Variants in MROH7 observed in about 807,000 individuals in gnomAD.
The protein encoded by MROH7 is maestro heat like repeat family member 7, also known as maestro heat-like repeat-containing protein family member 7.
In MROH7, 113 loss-of-function variants were observed where a neutral mutation model predicts 129.2. The ratio of observed to expected loss-of-function variants is 0.87; its 90% CI spans 0.75 to 1.02. The LOEUF (loss-of-function observed/expected upper bound fraction) is 1.02. Among genes scored for constraint, MROH7 ranks in the 50% least tolerant of loss-of-function variants. The pLI is 0.00. For synonymous variants in MROH7, 655 were observed against 667.9 expected (o/e 0.98, Z 0.30); for missense variants, 1,601 against 1,671.3 (o/e 0.96, Z 0.73).
chr1:54,651,868 A>T (rs1406786434), intron 1 of MROH7, 81 bp from the exon 2 acceptor site: 1 of 151,008 alleles, frequency 6.6e-6, no homozygotes, highest in Middle Eastern at 3.4e-3. Flanking sequence ...ACAGACGTGC[A>T]TGCCTGGCCT....
At chr1:54,705,347 G>A (rs1645515614) in intron 21 of MROH7, among the ~76,000 whole-genome samples, 1 of 152,216 alleles carries the variant, frequency 6.6e-6, no homozygotes, top group Non-Finnish European at 1.5e-5. Context: ...CTGCAAGCCA[G>A]TCCCTGTCCA....
At chr1:54,696,019 G>A (rs1645316547) in intron 17 of MROH7, among the ~76,000 whole-genome samples, 1 of 152,092 alleles carries the variant, frequency 6.6e-6, no homozygotes, top group Non-Finnish European at 1.5e-5. Context: ...AGAAGTTGGT[G>A]GGGACAGACC....
At chr1:54,689,100 C>A (rs781551999) in intron 15 of MROH7, among the ~76,000 whole-genome samples, 1 of 152,130 alleles carries the variant, frequency 6.6e-6, no homozygotes, top group Non-Finnish European at 1.5e-5. Flanking sequence ...ATGATAGTGA[C>A]CTTATTTGGA....
At chr1:54,673,286 G>C in intron 8 of MROH7, 100 bp downstream of exon 8, 1 of 848,970 alleles carries the variant, frequency 1.2e-6, no homozygotes, top group Non-Finnish European at 1.9e-6. Flanking sequence ...GAGTGATTTG[G>C]CTTCAGGATG....
chr1:54,653,654 A>G lies in MROH7; in HGVS notation c.728A>G (p.Asp243Gly), dbSNP rs935204366. Residue 243 changes from aspartate (D) to glycine (G), a missense_variant, in exon 3 of 24, where the codon GAC (aspartate) becomes GGC (glycine). By Grantham distance (94) the Asp-to-Gly change is moderately conservative. Transcript: ENST00000421030. Reference protein sequence around the residue: ...APDSHGTLIPDTNETITLASH... With the variant: ...APDSHGTLIPGTNETITLASH... ...GATTCTCATGGGACCCTAATCCCAG[A>G]CACAAATGAGACCATCACTTTGGCT... 2.5e-6 allele frequency: 4 copies of G among 1,614,200 alleles called. No homozygotes were observed. The highest frequency in any genetic ancestry group is 3.4e-6 in the Non-Finnish European group (4 of 1,180,032).
In MROH7 at chr1:54,704,793, C is replaced by CTTTTTTTTTTT. The variant is rs750428757; in HGVS notation, c.3565-1629_3565-1619dup. ...ACATGAATTAGCATTCAATGTAGCTCTTTTTTTTTTTTTTTTTTTTTTTGA... is the reference window on the plus strand; with the variant it reads ...ACATGAATTAGCATTCAATGTAGCTCTTTTTTTTTTTTTTTTTTTTTTTTTTTTTTTTTTGA... On this transcript the variant is annotated intron_variant, in intron 21 of 23. Coordinates refer to ENST00000421030, the MANE Select transcript of MROH7 (RefSeq NM_001039464.4). 1.0e-3 allele frequency among the ~76,000 whole-genome samples: 68 copies of CTTTTTTTTTTT among 67,828 alleles called. 3 individuals carry two copies. The highest frequency in any genetic ancestry group is 2.0e-3 in the Admixed American group (9 of 4,520). 44.5% of individuals were successfully genotyped at this position (67,828 alleles called of 152,430 possible).
rs751709876 is a variant in MROH7 at position 54,706,416 on chromosome 1, G to GCCTCTT, written c.3565-19_3565-18insCCTCTT. The GCCTCTT allele has an allele frequency of 6.3e-7, 1 of 1,594,436 alleles. No homozygotes were observed. The highest frequency in any genetic ancestry group is 1.1e-5 in the South Asian group (1 of 90,666). Reference sequence around the variant, plus strand: ...TTCCTCTGAGAGGCCAGCACTTTTGGGGTTTCTCTTTGTCCTAGGTGAACA... The same window carrying GCCTCTT: ...TTCCTCTGAGAGGCCAGCACTTTTGGCCTCTTGGTTTCTCTTTGTCCTAGGTGAACA... On this transcript the variant is annotated intron_variant, in intron 21 of 23. Coordinates refer to ENST00000421030, the MANE Select transcript of MROH7 (RefSeq NM_001039464.4).
chr1:54,664,783 C>T (rs770617124), intron 3 of MROH7, among the ~76,000 whole-genome samples: 43 of 152,090 alleles, frequency 2.8e-4, no homozygotes, highest in Non-Finnish European at 8.8e-5. Flanking sequence ...GAGGCTGAGA[C>T]GAGTGGATCA....
At chr1:54,660,839 A>C (rs550602703) in intron 3 of MROH7, among the ~76,000 whole-genome samples, 3 of 152,130 alleles carry the variant, frequency 2.0e-5, no homozygotes, top group Non-Finnish European at 4.4e-5. Flanking sequence ...AAAAAGAAAA[A>C]AAAGAGAAAA....
intron 21 of MROH7, 55 bp from the exon 22 acceptor site, chr1:54,706,380 T>C: frequency 7.7e-7 from 1 of 1,297,168 alleles, no homozygotes; most frequent in Non-Finnish European, 1.1e-6. Flanking sequence ...GAAGGGTGGA[T>C]GGGCAATTGG....
intron 21 of MROH7, among the ~76,000 whole-genome samples, chr1:54,704,047 C>A (rs753595877): frequency 5.3e-5 from 8 of 152,160 alleles, no homozygotes; most frequent in Non-Finnish European, 1.0e-4. Context: ...GAAGGGACAT[C>A]TGAGTGGGGA....
At chr1:54,655,209 T>C (rs1326613066) in intron 3 of MROH7, among the ~76,000 whole-genome samples, 6 of 151,802 alleles carry the variant, frequency 4.0e-5, no homozygotes, top group Non-Finnish European at 8.8e-5. Context: ...GAGACAAGGT[T>C]TTGCCATGTT....
intron 3 of MROH7, among the ~76,000 whole-genome samples, chr1:54,655,266 C>T (rs1328956376): frequency 6.6e-6 from 1 of 152,186 alleles, no homozygotes; most frequent in African/African-American, 2.4e-5. Flanking sequence ...CCGCCTGCCT[C>T]AGCCTCCCAA....
chr1:54,644,601 C>G (rs1644435123), intron 1 of MROH7, among the ~76,000 whole-genome samples: 1 of 151,840 alleles, frequency 6.6e-6, no homozygotes, highest in Non-Finnish European at 1.5e-5. Context: ...ACTCAGCCTC[C>G]CAAAGTGCTG....
At chr1:54,645,934 G>A (rs1644459885) in intron 1 of MROH7, among the ~76,000 whole-genome samples, 1 of 152,178 alleles carries the variant, frequency 6.6e-6, no homozygotes, top group Non-Finnish European at 1.5e-5. Context: ...ATACAGGCAT[G>A]AGCCACCGCG....
At chr1:54,699,223 C>CT (rs368034496) in intron 17 of MROH7, 7 of 91,916 alleles carry the variant, frequency 7.6e-5, no homozygotes, top group East Asian at 4.7e-4. Context: ...CTCTTTCTTT[C>CT]TCCTTTCTTC....
At chr1:54,692,254 G>A (rs967313950) in intron 15 of MROH7, among the ~76,000 whole-genome samples, 170 bp from the exon 16 acceptor site, 1 of 152,198 alleles carries the variant, frequency 6.6e-6, no homozygotes, top group Non-Finnish European at 1.5e-5. Flanking sequence ...TGTTCTAAAA[G>A]CTAATGATTA....
At position 54,654,187 on chromosome 1, in the gene MROH7, G is replaced by A. The variant is rs769641957; in HGVS notation, c.1231+30G>A. The A allele has an allele frequency of 7.1e-6, 11 of 1,550,814 alleles. No individual in the cohort carries two copies. In the East Asian group the frequency reaches 2.1e-4, roughly 29 times the overall value. On this transcript the variant is annotated intron_variant, in intron 3 of 23. Coordinates refer to ENST00000421030, the MANE Select transcript of MROH7 (RefSeq NM_001039464.4). ...GGCCAGGGCCGCAGCCCTAGAGAGA[G>A]CACTGTCCTGGAGGAATTCTGTCTT...
chr1:54,666,026 C>T (rs549189230), intron 4 of MROH7, among the ~76,000 whole-genome samples: 14 of 152,366 alleles, frequency 9.2e-5, no homozygotes, highest in African/African-American at 2.4e-4. Flanking sequence ...TTCTCACACA[C>T]GCCAAACTCA....
Sources: allele counts gnomAD v4.1 joint callset (sites outside exome capture counted in the v4.1 genomes callset), GRCh38; gene constraint gnomAD v4.1.1; transcripts MANE v1.5; gene names NCBI Gene and HGNC (gene_info 2026-07-23, HGNC 2026-07-21).